Variants in PTPRO observed in about 807,000 individuals in gnomAD.
The protein encoded by PTPRO is protein tyrosine phosphatase receptor type O.
Under a neutral mutation model 145.2 loss-of-function variants are expected in PTPRO, and 62 were observed. That is an observed-to-expected ratio of 0.43 (90% CI 0.35 to 0.53). PTPRO has a LOEUF of 0.53. PTPRO is among the 20% of genes least tolerant of loss of function. PTPRO has a pLI of 0.01. For missense variants in PTPRO, 1,345 were observed against 1,482.7 expected, an observed-to-expected ratio of 0.91 and a Z score of 1.53; for synonymous variants, 565 against 514.7, an observed-to-expected ratio of 1.10 and a Z score of -1.32.
At chr12:15,468,637 C>A (rs541696499) in intron 1 of PTPRO, among the ~76,000 whole-genome samples, 4 of 152,312 alleles carry the variant, frequency 2.6e-5, no homozygotes, top group African/African-American at 9.6e-5. Flanking sequence ...TTTCCACTTG[C>A]AATTATCTAG....
rs368512638 is a variant in PTPRO at position 15,485,783 on chromosome 12, T to G, written c.349+1536T>G. Among the ~76,000 whole-genome samples the G allele has an allele frequency of 2.9e-4, 44 of 152,306 alleles. 1 individual carries two copies. In the South Asian group the frequency reaches 7.5e-3, roughly 26 times the overall value. On this transcript the variant is annotated intron_variant, in intron 2 of 26. Transcript: ENST00000281171. Reference sequence around the variant, plus strand: ...ATATCACTTAGCATTTGCAATGAGTTCCATTCAAAATATATTCTATTTTCC... The same window carrying G: ...ATATCACTTAGCATTTGCAATGAGTGCCATTCAAAATATATTCTATTTTCC...
At chr12:15,516,629 GGA>G in intron 8 of PTPRO, 132 bp from the exon 9 acceptor site, 24 of 751,946 alleles carry the variant, frequency 3.2e-5, no homozygotes, top group South Asian at 2.5e-4. Flanking sequence ...AAGGAAGGAA[GGA>G]AGGAAGGGAG....
intron 1 of PTPRO, among the ~76,000 whole-genome samples, chr12:15,332,083 A>T (rs1280790087): frequency 6.7e-6 from 1 of 150,068 alleles, no homozygotes; most frequent in Non-Finnish European, 1.5e-5. Flanking sequence ...CTCCTGCCTC[A>T]GCCTCCCAAG....
rs1943329623 is a variant in PTPRO, at chr12:15,547,631, A to G, written c.2304+923A>G. The stretch of plus-strand genomic sequence containing the variant: ...TGTATCTCTTGTTGATTTGTACTGA[A>G]CAGCTGAATTTTCTCTATTCTAAGA... On this transcript the variant is annotated intron_variant, in intron 13 of 26. Coordinates refer to ENST00000281171, the MANE Select transcript of PTPRO (RefSeq NM_030667.3). 2.6e-5 allele frequency among the ~76,000 whole-genome samples: 4 copies of G among 152,196 alleles called. No individual in the cohort carries two copies. The South Asian group carries it at 8.3e-4, about 32-fold the overall frequency.
At chr12:15,408,282 G>T (rs916199022) in intron 1 of PTPRO, among the ~76,000 whole-genome samples, 4 of 151,968 alleles carry the variant, frequency 2.6e-5, no homozygotes, top group Non-Finnish European at 5.9e-5. Flanking sequence ...TCTATGGAAG[G>T]CTGCATTATC....
At chr12:15,446,956 T>G (rs1327959993) in intron 1 of PTPRO, among the ~76,000 whole-genome samples, 2 of 152,028 alleles carry the variant, frequency 1.3e-5, no homozygotes, top group Non-Finnish European at 2.9e-5. Context: ...TACTCATATT[T>G]GGGATACTCA....
At chr12:15,348,646 G>A (rs1937677023) in intron 1 of PTPRO, 1 of 152,204 alleles carries the variant, frequency 6.6e-6, no homozygotes, top group African/African-American at 2.4e-5. Flanking sequence ...AATTAACCGG[G>A]CGTGGTGGCG....
intron 1 of PTPRO, among the ~76,000 whole-genome samples, chr12:15,434,246 C>G (rs1042706558): frequency 1.1e-4 from 16 of 152,150 alleles, no homozygotes; most frequent in Non-Finnish European, 2.1e-4. Context: ...AACATAAACT[C>G]AGCTGTAATA....
intron 1 of PTPRO, among the ~76,000 whole-genome samples, chr12:15,380,962 T>C (rs1938843424): frequency 6.6e-6 from 1 of 152,204 alleles, no homozygotes; most frequent in African/African-American, 2.4e-5. Flanking sequence ...TATAAAAGAA[T>C]ATAATCACTG....
At chr12:15,560,564 A>G (rs1052966120) in intron 17 of PTPRO, among the ~76,000 whole-genome samples, 1 of 152,040 alleles carries the variant, frequency 6.6e-6, no homozygotes, top group Non-Finnish European at 1.5e-5. Context: ...CTTTGCAAAT[A>G]ATGCTTTCCA....
chr12:15,566,700 T>C (rs1943907683), intron 18 of PTPRO, among the ~76,000 whole-genome samples: 2 of 152,066 alleles, frequency 1.3e-5, no homozygotes, highest in South Asian at 4.1e-4. Context: ...TTTGTATTTT[T>C]AGTAGAGACG....
chr12:15,480,395 T>G (rs1382602996), intron 1 of PTPRO, among the ~76,000 whole-genome samples: 1 of 152,198 alleles, frequency 6.6e-6, no homozygotes, highest in Non-Finnish European at 1.5e-5. Flanking sequence ...ACTAATATTT[T>G]TGTCTTAGCA....
intron 1 of PTPRO, among the ~76,000 whole-genome samples, chr12:15,353,782 C>T (rs902637650): frequency 2.6e-5 from 4 of 152,156 alleles, no homozygotes; most frequent in African/African-American, 9.7e-5. Context: ...TTTGACTAGT[C>T]CACTTTTGCT....
At chr12:15,404,376 T>C (rs1166348717) in intron 1 of PTPRO, among the ~76,000 whole-genome samples, 2 of 152,194 alleles carry the variant, frequency 1.3e-5, no homozygotes, top group Admixed American at 6.5e-5. Flanking sequence ...ACTCATGGCA[T>C]TGGACATTTA....
At position 15,581,804 on chromosome 12, in the gene PTPRO, A is replaced by T. The variant is rs1214848692; in HGVS notation, c.3255+3A>T. 1 of 1,613,622 alleles carries T rather than the reference A, an allele frequency of 6.2e-7. No homozygotes were observed. The highest frequency in any genetic ancestry group is 8.5e-7 in the Non-Finnish European group (1 of 1,179,784). On this transcript the variant is annotated splice_donor_region_variant and intron_variant, in intron 23 of 26. Coordinates refer to ENST00000281171, the MANE Select transcript of PTPRO (RefSeq NM_030667.3). ...GTAGACACTTCCGGATCAACTATGT[A>T]AGTCACCAGGCAGAGAGCAGGTGCT...
At chr12:15,565,312 CA>C (rs1943869660) in intron 17 of PTPRO, 1 of 296,306 alleles carries the variant, frequency 3.4e-6, no homozygotes. Context: ...GCAACTTAAT[CA>C]ACAGCAGTTA....
chr12:15,393,744 A>G (rs1352905188), intron 1 of PTPRO, among the ~76,000 whole-genome samples: 3 of 151,984 alleles, frequency 2.0e-5, no homozygotes, highest in Admixed American at 2.0e-4. Flanking sequence ...TCAAATTACC[A>G]TTTATGTCAC....
intron 1 of PTPRO, among the ~76,000 whole-genome samples, chr12:15,451,836 A>G (rs565581678): frequency 6.6e-6 from 1 of 152,360 alleles, no homozygotes; most frequent in South Asian, 2.1e-4. Context: ...TCTGGGGTAC[A>G]GCAAAGGCTG....
intron 2 of PTPRO, among the ~76,000 whole-genome samples, chr12:15,484,769 G>T (rs909867679): frequency 6.6e-6 from 1 of 151,934 alleles, no homozygotes; most frequent in Admixed American, 6.6e-5. Flanking sequence ...AAGAAAAAAT[G>T]CCAAGAAAAA....
Sources: allele counts gnomAD v4.1 joint callset (sites outside exome capture counted in the v4.1 genomes callset), GRCh38; gene constraint gnomAD v4.1.1; transcripts MANE v1.5; gene names NCBI Gene and HGNC (gene_info 2026-07-23, HGNC 2026-07-21).